USP42: variants seen among roughly 807,000 people sequenced by gnomAD.
USP42 encodes the protein ubiquitin carboxyl-terminal hydrolase 42.
In USP42, 23 loss-of-function variants were observed where a neutral mutation model predicts 113.0. The ratio of observed to expected loss-of-function variants is 0.20; its 90% CI spans 0.15 to 0.29. USP42 has a LOEUF of 0.29. Among genes scored for constraint, USP42 ranks in the 10% least tolerant of loss-of-function variants. USP42 has a pLI of 1.00. For missense variants in USP42, 2,174 were observed against 1,779.8 expected (o/e 1.22, Z -3.99); for synonymous variants, 933 against 699.0 (o/e 1.33, Z -5.28).
intron 4 of USP42, among the ~76,000 whole-genome samples, chr7:6,137,766 G>A (rs770354814): frequency 1.3e-5 from 2 of 152,124 alleles, no homozygotes; most frequent in African/African-American, 4.8e-5. Flanking sequence ...TGCAACCTCC[G>A]CCTCTCGGAT....
chr7:6,108,468 T>G lies in USP42; in HGVS notation c.-9-2657T>G, dbSNP rs138683516. Among the ~76,000 whole-genome samples, 3 of 152,226 alleles carry G rather than the reference T, an allele frequency of 2.0e-5. No individual in the cohort carries two copies. In the East Asian group the frequency reaches 5.8e-4, roughly 29 times the overall value. On this transcript the variant is annotated intron_variant, in intron 1 of 17. Transcript: ENST00000306177. ...CCTACTTCATAGCATGGGTAGTACTTTTTTGTACTTTTACAGTATCCTTTT... is the reference window on the plus strand; with the variant it reads ...CCTACTTCATAGCATGGGTAGTACTGTTTTGTACTTTTACAGTATCCTTTT...
rs1276999698 is a variant in USP42 at position 6,154,483 on chromosome 7, C to T, written c.2929C>T (p.Arg977Cys). 9.7e-6 allele frequency: 15 copies of T among 1,549,660 alleles called. No individual in the cohort carries two copies. The highest frequency in any genetic ancestry group is 2.0e-5 in the Admixed American group (1 of 51,214). ...GAGCAGGAGCAAGACTGAGGGCCACCGTCACCGGCGGCGCCGCACCTGCCC... is the reference window on the plus strand; with the variant it reads ...GAGCAGGAGCAAGACTGAGGGCCACTGTCACCGGCGGCGCCGCACCTGCCC... ...RESRSKTEGH[R>C]HRRRRTCPRE... Residue 977 changes from arginine (R) to cysteine (C), a missense_variant, in exon 15 of 18, where the codon CGT becomes TGT. By Grantham distance (180) the Arg-to-Cys change is radical. Transcript: ENST00000306177.
rs1166635142 is a variant in USP42 at position 6,161,256 on chromosome 7, G to A, written c.*738G>A. The A allele has an allele frequency of 2.0e-5, 3 of 152,606 alleles. No homozygotes were observed. The highest frequency in any genetic ancestry group is 2.1e-4 in the South Asian group (1 of 4,822). The allele number at this position is 152,606 out of a possible 1,614,324, so 9.5% of individuals were successfully genotyped here. On this transcript the variant is annotated 3_prime_UTR_variant, in exon 18 of 18. Transcript: ENST00000306177. Reference sequence around the variant, plus strand: ...TGTCTTCACTGATACTGGAGTCTCCGTTGTCTGCTTGGTCCCTTCGAGTTT... The same window carrying A: ...TGTCTTCACTGATACTGGAGTCTCCATTGTCTGCTTGGTCCCTTCGAGTTT...
At chr7:6,152,988 C>T (rs936950331) in intron 14 of USP42, 28 of 984,770 alleles carry the variant, frequency 2.8e-5, no homozygotes, top group African/African-American at 3.5e-5. Flanking sequence ...AGAGGAATTG[C>T]GGCCAGGCGC....
intron 1 of USP42, among the ~76,000 whole-genome samples, chr7:6,105,831 C>T (rs988096542): frequency 2.0e-5 from 3 of 152,220 alleles, no homozygotes; most frequent in Non-Finnish European, 2.9e-5. Flanking sequence ...TTTAACCCCT[C>T]TCACATGCAT....
At chr7:6,127,320 G>A (rs568525373) in intron 3 of USP42, among the ~76,000 whole-genome samples, 13 of 152,208 alleles carry the variant, frequency 8.5e-5, no homozygotes, top group Middle Eastern at 3.4e-3. Context: ...AGCCTTTAGT[G>A]GATTGTGCTT....
At chr7:6,096,805 G>A in the USP42 span, among the ~76,000 whole-genome samples, 2 of 151,242 alleles carry the variant, frequency 1.3e-5, no homozygotes, top group African/African-American at 4.9e-5. Flanking sequence ...CTGCAAGTCA[G>A]TGCCTCCCAT....
At chr7:6,082,695 C>A in the USP42 span, among the ~76,000 whole-genome samples, 2 of 134,140 alleles carry the variant, frequency 1.5e-5, no homozygotes, top group Non-Finnish European at 3.1e-5. Context: ...ACTGCAACAT[C>A]TGCCTCCCAG....
chr7:6,154,347 A>C lies in USP42; in HGVS notation c.2793A>C (p.Lys931Asn). ...GGGTCGAGGACGCCGCGGCGCCGAA[A>C]GCCCCAGGCCCTTCCCCAGCGAAGG... ...GERVEDAAAP[K>N]APGPSPAKEK... Residue 931 changes from lysine to asparagine, a missense_variant, in exon 15 of 18, where the codon AAA (lysine) becomes AAC (asparagine). Lys to Asn is a moderately conservative substitution (Grantham distance 94). Coordinates refer to ENST00000306177, the MANE Select transcript of USP42 (RefSeq NM_032172.3). The C allele has an allele frequency of 1.3e-6, 2 of 1,572,774 alleles. No homozygotes were observed. Among genetic ancestry groups the C allele is most frequent in the Non-Finnish European group, 1.7e-6 (2 of 1,160,410 alleles).
rs1284525727 is a variant in USP42, at chr7:6,155,011, G to A, written c.3457G>A (p.Glu1153Lys). 7.0e-6 allele frequency: 11 copies of A among 1,564,994 alleles called. No individual in the cohort carries two copies. Among genetic ancestry groups the A allele is most frequent in the African/African-American group, 2.7e-5 (2 of 73,626 alleles). Residue 1153 changes from glutamate to lysine, a missense_variant, in exon 15 of 18, where the codon GAA becomes AAA. Physicochemically the swap from Glu to Lys is moderately conservative, Grantham distance 56 (BLOSUM62 1). Coordinates refer to ENST00000306177, the MANE Select transcript of USP42 (RefSeq NM_032172.3). ...CTGTAACCTCTCTGATCGGTTTCAC[G>A]AACACGAAAATGGAAAGTCCCGGAA... Reference protein sequence around the residue: ...DNCNLSDRFHEHENGKSRKRR... With the variant: ...DNCNLSDRFHKHENGKSRKRR...
intron 1 of USP42, among the ~76,000 whole-genome samples, chr7:6,105,638 A>G (rs1162892053): frequency 6.6e-6 from 1 of 151,938 alleles, no homozygotes; most frequent in African/African-American, 2.4e-5. Context: ...CGAGGTGCCC[A>G]CGCCGGGCGG....
chr7:6,092,178 CTT>C, the USP42 span, among the ~76,000 whole-genome samples: 60 of 91,422 alleles, frequency 6.6e-4, no homozygotes, highest in Non-Finnish European at 7.4e-4. Context: ...TTCTTCTTCT[CTT>C]TTTTTTTTTT....
chr7:6,150,655 T>G, intron 14 of USP42, 149 bp downstream of exon 14: 2 of 799,404 alleles, frequency 2.5e-6, no homozygotes. Context: ...TAGGATTTAT[T>G]AACTTGCCTT....
At position 6,149,843 on chromosome 7, in the gene USP42, T is replaced by C. The variant is rs1781935097; in HGVS notation, c.1647T>C (p.Pro549=). The C allele has an allele frequency of 6.2e-7, 1 of 1,614,030 alleles. No homozygotes were observed. The highest frequency in any genetic ancestry group is 8.5e-7 in the Non-Finnish European group (1 of 1,179,900). Residue 549 remains proline, a synonymous_variant, in exon 13 of 18, where the codon CCT becomes CCC. Coordinates refer to ENST00000306177, the MANE Select transcript of USP42 (RefSeq NM_032172.3). The stretch of plus-strand genomic sequence containing the variant: ...TTCATAGTAATTCTTTGGAGAACCC[T>C]ACCAAGCCCGTTCCCTCTTCTACCA... ...PNLHSNSLEN[P]TKPVPSSTIT... is the part of the protein sequence containing the mutation.
rs761767842 is a variant in USP42, at chr7:6,153,940, G to T, written c.2386G>T (p.Val796Phe). The T allele has an allele frequency of 4.4e-6, 7 of 1,597,906 alleles. No individual in the cohort carries two copies. The highest frequency in any genetic ancestry group is 4.5e-5 in the East Asian group (2 of 44,522). ...TKEGAWEAMA[V>F]APEEPPPSAG... Reference sequence around the variant, plus strand: ...AGAAGGCGCCTGGGAGGCCATGGCCGTCGCCCCCGAGGAGCCTCCGCCCAG... The same window carrying T: ...AGAAGGCGCCTGGGAGGCCATGGCCTTCGCCCCCGAGGAGCCTCCGCCCAG... Residue 796 changes from valine (V) to phenylalanine (F), a missense_variant, in exon 15 of 18, where the codon GTC becomes TTC. Physicochemically the swap from Val to Phe is conservative, Grantham distance 50 (BLOSUM62 -1). Coordinates refer to ENST00000306177, the MANE Select transcript of USP42 (RefSeq NM_032172.3).
the USP42 span, among the ~76,000 whole-genome samples, chr7:6,095,792 C>T: frequency 1.6e-4 from 24 of 151,108 alleles, no homozygotes; most frequent in East Asian, 2.5e-3. Flanking sequence ...GTTTTTGAGA[C>T]AGGGTCTCAC....
intron 14 of USP42, among the ~76,000 whole-genome samples, chr7:6,152,399 C>G (rs1782118344): frequency 6.6e-6 from 1 of 152,244 alleles, no homozygotes; most frequent in African/African-American, 2.4e-5. Context: ...GTGCCAGTGA[C>G]ACACCCGTAG....
the USP42 span, among the ~76,000 whole-genome samples, chr7:6,097,164 G>C: frequency 6.6e-6 from 1 of 150,898 alleles, no homozygotes; most frequent in African/African-American, 2.5e-5. Flanking sequence ...ATTAGCCCTG[G>C]CTTATACATG....
chr7:6,107,683 A>G (rs1366696670), intron 1 of USP42, among the ~76,000 whole-genome samples: 1 of 152,090 alleles, frequency 6.6e-6, no homozygotes, highest in Non-Finnish European at 1.5e-5. Flanking sequence ...TGCTGGGATT[A>G]CAGGTGTGAG....
Sources: allele counts gnomAD v4.1 joint callset (sites outside exome capture counted in the v4.1 genomes callset), GRCh38; gene constraint gnomAD v4.1.1; transcripts MANE v1.5; gene names NCBI Gene and HGNC (gene_info 2026-07-23, HGNC 2026-07-21).